Variants in CACNA2D1 observed in about 807,000 individuals in gnomAD.
CACNA2D1 encodes voltage-dependent calcium channel subunit alpha-2/delta-1.
Under a neutral mutation model 171.5 loss-of-function variants are expected in CACNA2D1, and 53 were observed. The observed-to-expected ratio is 0.31, with a 90% CI of 0.25 to 0.39. The LOEUF (loss-of-function observed/expected upper bound fraction) is 0.39, where lower values mean the gene tolerates loss of function less well. Among genes scored for constraint, CACNA2D1 ranks in the 10% least tolerant of loss-of-function variants. The pLI, the probability that CACNA2D1 is intolerant of heterozygous loss-of-function variation, is 1.00. For missense variants in CACNA2D1, 903 were observed against 1,299.8 expected (o/e 0.69, Z 4.69); for synonymous variants, 442 against 443.1 (o/e 1.00, Z 0.03).
chr7:82,307,995 T>C (rs1813945831), intron 3 of CACNA2D1, among the ~76,000 whole-genome samples: 3 of 152,224 alleles, frequency 2.0e-5, no homozygotes, highest in African/African-American at 7.2e-5. Context: ...TTTTGGATCC[T>C]GTTTCTCCCA....
chr7:82,217,947 T>G (rs1585128629), intron 3 of CACNA2D1, among the ~76,000 whole-genome samples: 1 of 144,648 alleles, frequency 6.9e-6, no homozygotes, highest in East Asian at 2.0e-4. Context: ...ATATTTTTAT[T>G]TTTTTGAGAG....
intron 4 of CACNA2D1, among the ~76,000 whole-genome samples, chr7:82,157,259 T>G (rs1323209938): frequency 1.3e-5 from 2 of 152,106 alleles, no homozygotes; most frequent in Non-Finnish European, 1.5e-5. Flanking sequence ...CAAAATCAAG[T>G]AGGCCATATA....
chr7:82,266,222 G>A (rs2129341280), intron 3 of CACNA2D1, among the ~76,000 whole-genome samples: 1 of 152,242 alleles, frequency 6.6e-6, no homozygotes, highest in African/African-American at 2.4e-5. Context: ...TTGTCTATGT[G>A]AAATCTAGGT....
intron 1 of CACNA2D1, among the ~76,000 whole-genome samples, chr7:82,429,009 T>C (rs1259006482): frequency 2.0e-5 from 3 of 152,188 alleles, no homozygotes; most frequent in Non-Finnish European, 4.4e-5. Context: ...AAGAGTAGGA[T>C]CACAGGATTC....
At chr7:82,165,169 T>G (rs1452243408) in intron 4 of CACNA2D1, among the ~76,000 whole-genome samples, 1 of 151,972 alleles carries the variant, frequency 6.6e-6, no homozygotes, top group Non-Finnish European at 1.5e-5. Context: ...ACCTTCTACC[T>G]CCCCATTTCC....
At position 82,419,139 on chromosome 7, in the gene CACNA2D1, T is replaced by G. The variant is rs557913420; in HGVS notation, c.95+24226A>C. 2.6e-5 allele frequency among the ~76,000 whole-genome samples: 4 copies of G among 151,220 alleles called. No homozygotes were observed. In the South Asian group the frequency reaches 6.3e-4, roughly 24 times the overall value. ...AAAAAAAAAAAGACTAAACATTACA[T>G]GCCTAAAAGTAAAGCGTCACACTGT... On this transcript the variant is annotated intron_variant, in intron 1 of 38. Coordinates refer to ENST00000356860, the MANE Select transcript of CACNA2D1 (RefSeq NM_000722.4).
chr7:82,227,287 T>C (rs1274582265), intron 3 of CACNA2D1, among the ~76,000 whole-genome samples: 1 of 152,132 alleles, frequency 6.6e-6, no homozygotes, highest in Non-Finnish European at 1.5e-5. Context: ...TCTCAAATGA[T>C]TCACAGAGAG....
chr7:82,024,260 C>T (rs1159719898), intron 12 of CACNA2D1, among the ~76,000 whole-genome samples: 3 of 151,408 alleles, frequency 2.0e-5, no homozygotes, highest in Non-Finnish European at 3.0e-5. Flanking sequence ...ACAATTTTGC[C>T]TTCTCATCAA....
intron 3 of CACNA2D1, among the ~76,000 whole-genome samples, chr7:82,185,034 C>T (rs1052296138): frequency 5.3e-5 from 8 of 152,124 alleles, no homozygotes; most frequent in African/African-American, 1.7e-4. Context: ...GCTACCTATT[C>T]CAGAGTCCTT....
intron 6 of CACNA2D1, among the ~76,000 whole-genome samples, chr7:82,115,600 T>C (rs956569680): frequency 4.0e-5 from 6 of 151,762 alleles, no homozygotes; most frequent in Non-Finnish European, 5.9e-5. Flanking sequence ...AATCAAAGAA[T>C]TGATAGGATG....
chr7:82,178,419 C>T (rs534989619), intron 3 of CACNA2D1, among the ~76,000 whole-genome samples: 33 of 152,130 alleles, frequency 2.2e-4, no homozygotes, highest in Admixed American at 1.1e-3. Flanking sequence ...GGGTCTACAG[C>T]GCAAAATAAA....
At chr7:81,962,521 T>C (rs1438609004) in intron 34 of CACNA2D1, 26 bp from the exon 35 acceptor site, 5 of 1,423,948 alleles carry the variant, frequency 3.5e-6, no homozygotes, top group Non-Finnish European at 4.9e-6. Flanking sequence ...AAAAAAAAAA[T>C]AAACATCTAG....
chr7:81,988,500 A>G (rs1438009446), intron 21 of CACNA2D1, among the ~76,000 whole-genome samples: 4 of 152,174 alleles, frequency 2.6e-5, no homozygotes, highest in Non-Finnish European at 5.9e-5. Flanking sequence ...TTCCTATGAT[A>G]ATAACATAGG....
chr7:82,153,262 C>A (rs919607188), intron 4 of CACNA2D1, among the ~76,000 whole-genome samples: 1 of 151,852 alleles, frequency 6.6e-6, no homozygotes, highest in Admixed American at 6.6e-5. Context: ...AGGAGCCTAG[C>A]TCTCTCAGGA....
In CACNA2D1 at chr7:81,991,665, C is replaced by T. The variant is rs767094578; in HGVS notation, c.1735-419G>A. Among the ~76,000 whole-genome samples the T allele has an allele frequency of 6.6e-4, 101 of 152,128 alleles. 2 individuals carry two copies. Among genetic ancestry groups the T allele is most frequent in the Non-Finnish European group, 5.6e-4 (38 of 67,998 alleles). Reference sequence around the variant, plus strand: ...TAGCATATGACTGTTTTTATGAAGCCACTATTATAGCATTATTATGGTATC... The same window carrying T: ...TAGCATATGACTGTTTTTATGAAGCTACTATTATAGCATTATTATGGTATC... On this transcript the variant is annotated intron_variant, in intron 20 of 38. Transcript: ENST00000356860.
chr7:82,332,549 AGAAAGAAAGAAAGAAAGAAC>A (rs1454559923), intron 3 of CACNA2D1, among the ~76,000 whole-genome samples: 30 of 142,694 alleles, frequency 2.1e-4, no homozygotes, highest in African/African-American at 7.3e-4. Flanking sequence ...AAAGAAAGAA[AGAAAGAAAGAAAGAAAGAAC>A]GAACAGAAAA....
intron 3 of CACNA2D1, among the ~76,000 whole-genome samples, chr7:82,307,916 G>C (rs1813938737): frequency 1.3e-5 from 2 of 152,136 alleles, no homozygotes; most frequent in Non-Finnish European, 2.9e-5. Flanking sequence ...TTTTACAAGA[G>C]CTCTATGGTC....
rs1233525316 is a variant in CACNA2D1 at position 82,413,891 on chromosome 7, T to C, written c.95+29474A>G. Among the ~76,000 whole-genome samples, 4 of 152,188 alleles carry C rather than the reference T, an allele frequency of 2.6e-5. No homozygotes were observed. In the East Asian group the frequency reaches 7.7e-4, roughly 29 times the overall value. ...ATATATATAAAATGAAAATATACCA[T>C]GAATTATTTTATTAATGATATACTA... is the stretch of plus-strand genomic sequence containing the variant. On this transcript the variant is annotated intron_variant, in intron 1 of 38. Coordinates refer to ENST00000356860, the MANE Select transcript of CACNA2D1 (RefSeq NM_000722.4).
chr7:82,415,539 CA>C (rs936530889), intron 1 of CACNA2D1, among the ~76,000 whole-genome samples: 4 of 149,492 alleles, frequency 2.7e-5, no homozygotes, highest in Admixed American at 1.3e-4. Flanking sequence ...TAAAAAAAAA[CA>C]AAAAAAAACC....
Sources: allele counts gnomAD v4.1 joint callset (sites outside exome capture counted in the v4.1 genomes callset), GRCh38; gene constraint gnomAD v4.1.1; transcripts MANE v1.5; gene names NCBI Gene and HGNC (gene_info 2026-07-23, HGNC 2026-07-21).